The following MRPL37 variants were observed in gnomAD, a reference collection of about 807,000 sequenced individuals.
MRPL37 encodes mitochondrial ribosomal protein L37, also known as large ribosomal subunit protein mL37.
A neutral mutation model predicts 44.1 loss-of-function variants in MRPL37; 34 were observed. The ratio of observed to expected loss-of-function variants is 0.77; its 90% confidence interval spans 0.59 to 1.03. MRPL37 has a LOEUF of 1.03. Ranked by LOEUF, MRPL37 falls within the 50% of genes least tolerant of loss-of-function variation. MRPL37 has a pLI of 0.00. For synonymous variants in MRPL37, 212 were observed against 219.5 expected (o/e 0.97, Z 0.30); for missense variants, 532 against 543.7 (o/e 0.98, Z 0.21).
intron 3 of MRPL37, among the ~76,000 whole-genome samples, chr1:54,207,682 G>A (rs919498309): frequency 6.6e-6 from 1 of 152,166 alleles, no homozygotes; most frequent in Admixed American, 6.5e-5. Flanking sequence ...GAAAACCCAA[G>A]GTTAAGAGAG....
chr1:54,208,229 C>G (rs1482010792), intron 3 of MRPL37, among the ~76,000 whole-genome samples: 2 of 152,082 alleles, frequency 1.3e-5, no homozygotes, highest in Non-Finnish European at 2.9e-5. Context: ...CAATCTGGCC[C>G]CTTTCCTAAG....
At chr1:54,217,036 G>A (rs533945861) in intron 6 of MRPL37, among the ~76,000 whole-genome samples, 2 of 152,284 alleles carry the variant, frequency 1.3e-5, no homozygotes, top group African/African-American at 4.8e-5. Flanking sequence ...GGCAGTAGCA[G>A]TATCTAAATA....
downstream of MRPL37, chr1:54,218,526 C>T: frequency 1.4e-6 from 1 of 716,786 alleles, no homozygotes; most frequent in Non-Finnish European, 2.1e-6. Flanking sequence ...TGTCTCTTTC[C>T]ATTTCTTCAT....
rs769215580 is a variant in MRPL37, at chr1:54,216,135, T to G, written c.991-6T>G. 37 of 1,614,156 alleles carry G rather than the reference T, an allele frequency of 2.3e-5. No individual in the cohort carries two copies. The Middle Eastern group carries it at 8.2e-4, about 36-fold the overall frequency. The stretch of plus-strand genomic sequence containing the variant: ...ATTTGTTTTCCTTGTCCCCTTTTCC[T>G]CTCAGAATGATGCCAAGGTCTTGGA... On this transcript the variant is annotated splice_polypyrimidine_tract_variant and splice_region_variant and intron_variant, in intron 5 of 6. Transcript: ENST00000360840.
chr1:54,220,718 C>T (rs1340104929), downstream of MRPL37: 2 of 471,372 alleles, frequency 4.2e-6, no homozygotes, highest in South Asian at 1.5e-5. Context: ...CCTCAGCCAG[C>T]CTCCCGCCCA....
At chr1:54,212,882 G>T (rs1382154821) in intron 5 of MRPL37, among the ~76,000 whole-genome samples, 1 of 152,208 alleles carries the variant, frequency 6.6e-6, no homozygotes, top group East Asian at 1.9e-4. Context: ...TAGCCCACAT[G>T]TTTTTACTGA....
At position 54,218,333 on chromosome 1, in the gene MRPL37, G is replaced by A. The variant is rs566317874; in HGVS notation, c.*84G>A. 216 of 1,603,808 alleles carry A rather than the reference G, an allele frequency of 1.3e-4. No individual in the cohort carries two copies. The African/African-American group carries it at 2.6e-3, about 19-fold the overall frequency. The stretch of plus-strand genomic sequence containing the variant: ...TGGGCCCCGTGGAGCCTCAGTGCCC[G>A]TTTGGCCTGCTGCTCTCGCTGACAA... On this transcript the variant is annotated 3_prime_UTR_variant, in exon 7 of 7. Transcript: ENST00000360840.
intron 3 of MRPL37, 106 bp downstream of exon 3, chr1:54,205,516 C>T (rs1283487433): frequency 9.0e-6 from 8 of 884,470 alleles, no homozygotes; most frequent in African/African-American, 1.7e-5. Flanking sequence ...CCGATCCTTA[C>T]TCCCATCATT....
At chr1:54,203,758 G>T (rs1229809818) in intron 1 of MRPL37, among the ~76,000 whole-genome samples, 3 of 152,120 alleles carry the variant, frequency 2.0e-5, no homozygotes. Context: ...TTACAGGCAT[G>T]AGCCACCATG....
chr1:54,215,969 G>C (rs1197224263), intron 5 of MRPL37, among the ~76,000 whole-genome samples, 172 bp from the exon 6 acceptor site: 1 of 152,168 alleles, frequency 6.6e-6, no homozygotes, highest in Non-Finnish European at 1.5e-5. Flanking sequence ...AGGAAGGCCC[G>C]GCCCTGGACA....
chr1:54,200,653 T>G, intron 1 of MRPL37, 64 bp downstream of exon 1: 1 of 1,497,522 alleles, frequency 6.7e-7, no homozygotes, highest in Non-Finnish European at 9.0e-7. Flanking sequence ...CCCGACCCTC[T>G]GTGGCTTTGG....
chr1:54,208,095 T>G (rs1036251374), intron 3 of MRPL37, among the ~76,000 whole-genome samples: 2 of 152,230 alleles, frequency 1.3e-5, no homozygotes, highest in Non-Finnish European at 2.9e-5. Flanking sequence ...GCTGGCTTGC[T>G]GATGAGTCAG....
intron 3 of MRPL37, 67 bp from the exon 4 acceptor site, chr1:54,209,879 G>A (rs1028652224): frequency 3.3e-6 from 5 of 1,515,012 alleles, no homozygotes; most frequent in Non-Finnish European, 4.5e-6. Flanking sequence ...TTATAGGCAT[G>A]AGCTACTGCG....
chr1:54,225,123 A>G (rs1644267758), downstream of MRPL37: 4 of 1,234,338 alleles, frequency 3.2e-6, no homozygotes, highest in Non-Finnish European at 4.0e-6. Context: ...TTCTACTTCC[A>G]GAAAAATAAA....
downstream of MRPL37, among the ~76,000 whole-genome samples, chr1:54,224,739 G>C (rs1644262858): frequency 6.7e-6 from 1 of 150,372 alleles, no homozygotes; most frequent in Non-Finnish European, 1.5e-5. Flanking sequence ...AGTCGTGCAA[G>C]TCAGCATCCA....
chr1:54,223,768 T>C (rs766496080), downstream of MRPL37, among the ~76,000 whole-genome samples: 3 of 152,242 alleles, frequency 2.0e-5, no homozygotes, highest in African/African-American at 7.2e-5. Flanking sequence ...AAGCCCTATT[T>C]TGTGGAAGGA....
chr1:54,219,918 G>A (rs534573807), downstream of MRPL37, among the ~76,000 whole-genome samples: 1 of 152,242 alleles, frequency 6.6e-6, no homozygotes, highest in South Asian at 2.1e-4. Flanking sequence ...AGCCACATTA[G>A]TATCTGTTGA....
At chr1:54,203,780 G>A (rs1644102506) in intron 1 of MRPL37, among the ~76,000 whole-genome samples, 1 of 152,032 alleles carries the variant, frequency 6.6e-6, no homozygotes, top group African/African-American at 2.4e-5. Flanking sequence ...CCGGCCTAAG[G>A]TTCTGCATTC....
At chr1:54,203,298 G>A (rs964138380) in intron 1 of MRPL37, among the ~76,000 whole-genome samples, 4 of 152,074 alleles carry the variant, frequency 2.6e-5, no homozygotes, top group African/African-American at 9.7e-5. Context: ...ATAGGCATGA[G>A]CCACTGGGCC....
Sources: gnomAD v4.1 joint callset for allele counts (sites outside exome capture counted in the v4.1 genomes callset) on GRCh38, gnomAD v4.1.1 for gene constraint, MANE v1.5 for transcripts, NCBI Gene and HGNC (gene_info 2026-07-23, HGNC 2026-07-21) for gene names.